Variants in IMMP2L observed in about 807,000 individuals in gnomAD.
IMMP2L encodes inner mitochondrial membrane peptidase subunit 2.
Under a neutral mutation model 19.3 loss-of-function variants are expected in IMMP2L, and 18 were observed. The observed-to-expected ratio is 0.93, with a 90% CI of 0.64 to 1.38. The LOEUF is 1.38. IMMP2L is among the 40% of genes most tolerant of loss of function. The pLI, the probability that IMMP2L is intolerant of heterozygous loss-of-function variation, is 0.00. For missense variants in IMMP2L, 233 were observed against 218.2 expected (o/e 1.07, Z -0.43); for synonymous variants, 76 against 73.0 (o/e 1.04, Z -0.21).
intron 5 of IMMP2L, among the ~76,000 whole-genome samples, chr7:110,726,527 C>A (rs1318590879): frequency 6.6e-6 from 1 of 152,118 alleles, no homozygotes; most frequent in African/African-American, 2.4e-5. Context: ...ACCAGTTACA[C>A]AATTCTAAAA....
chr7:111,549,035 G>C lies in IMMP2L; in HGVS notation c.-3+12816C>G, dbSNP rs139410274. Among the ~76,000 whole-genome samples, 407 of 152,208 alleles carry C rather than the reference G, an allele frequency of 2.7e-3. 6 individuals carry two copies. The highest frequency in any genetic ancestry group is 9.3e-3 in the African/African-American group (385 of 41,522). On this transcript the variant is annotated intron_variant, in intron 1 of 5. Transcript: ENST00000405709. ...GCACACAATGAGAATATCCCAAAGGGTATACCTTTCAGAAGAAGACAAGGC... is the reference window on the plus strand; with the variant it reads ...GCACACAATGAGAATATCCCAAAGGCTATACCTTTCAGAAGAAGACAAGGC...
chr7:111,552,245 T>G (rs1344592261), intron 1 of IMMP2L, among the ~76,000 whole-genome samples: 1 of 152,132 alleles, frequency 6.6e-6, no homozygotes, highest in Non-Finnish European at 1.5e-5. Flanking sequence ...TAATTCAACT[T>G]CCATTCAGTT....
chr7:110,795,386 T>A (rs904415325), intron 5 of IMMP2L, among the ~76,000 whole-genome samples: 2 of 152,100 alleles, frequency 1.3e-5, no homozygotes, highest in Non-Finnish European at 1.5e-5. Flanking sequence ...TATCATGGTT[T>A]AAATATAAAG....
chr7:111,418,984 G>A (rs1161131965), intron 3 of IMMP2L, among the ~76,000 whole-genome samples: 5 of 151,468 alleles, frequency 3.3e-5, no homozygotes, highest in African/African-American at 7.3e-5. Flanking sequence ...ATTGTGTTGC[G>A]AAGATATTCT....
intron 3 of IMMP2L, among the ~76,000 whole-genome samples, chr7:111,051,373 C>A (rs1028826016): frequency 9.2e-5 from 14 of 152,096 alleles, no homozygotes; most frequent in Non-Finnish European, 1.3e-4. Flanking sequence ...CTATCCTGAG[C>A]GAATGCATCT....
intron 3 of IMMP2L, among the ~76,000 whole-genome samples, chr7:111,086,577 A>G (rs890205971): frequency 1.3e-5 from 2 of 152,270 alleles, no homozygotes; most frequent in African/African-American, 4.8e-5. Context: ...CTTTAGTTCA[A>G]CATTCTAACA....
chr7:110,795,030 TG>T (rs1441640793), intron 5 of IMMP2L, among the ~76,000 whole-genome samples: 2 of 151,960 alleles, frequency 1.3e-5, no homozygotes, highest in Non-Finnish European at 2.9e-5. Context: ...GGGAAACAGA[TG>T]GGGAGATGCA....
rs561179044 is a variant in IMMP2L, at chr7:110,743,958, T to A, written c.409-80237A>T. 1.0e-3 allele frequency among the ~76,000 whole-genome samples: 157 copies of A among 152,134 alleles called. 1 individual carries two copies. The highest frequency in any genetic ancestry group is 3.5e-3 in the African/African-American group (147 of 41,524). On this transcript the variant is annotated intron_variant, in intron 5 of 5. Coordinates refer to ENST00000405709, the MANE Select transcript of IMMP2L (RefSeq NM_032549.4). ...GGGCTGAAGCCAGGGAGCCAAGTAG[T>A]CTGGTTCGTCGGAGCCCAGATGGAG...
At chr7:110,828,401 C>A (rs373890743) in intron 5 of IMMP2L, among the ~76,000 whole-genome samples, 2 of 152,112 alleles carry the variant, frequency 1.3e-5, no homozygotes, top group African/African-American at 2.4e-5. Context: ...CCCTTGCTAA[C>A]AACCAACTGT....
intron 4 of IMMP2L, among the ~76,000 whole-genome samples, chr7:110,949,706 G>A (rs948905051): frequency 6.6e-6 from 1 of 152,046 alleles, no homozygotes; most frequent in Admixed American, 6.6e-5. Context: ...TCTTTTTAAA[G>A]AGAAAGTATG....
chr7:110,754,571 A>C (rs562188492), intron 5 of IMMP2L, among the ~76,000 whole-genome samples: 1 of 152,198 alleles, frequency 6.6e-6, no homozygotes, highest in African/African-American at 2.4e-5. Context: ...TTTTGGGTCT[A>C]GGGATATTAA....
At chr7:110,730,694 T>A (rs1796214196) in intron 5 of IMMP2L, among the ~76,000 whole-genome samples, 1 of 152,030 alleles carries the variant, frequency 6.6e-6, no homozygotes, top group Non-Finnish European at 1.5e-5. Context: ...CCAGCTAATT[T>A]TTTTGTATTT....
At chr7:110,706,246 G>A (rs1205429297) in intron 5 of IMMP2L, among the ~76,000 whole-genome samples, 1 of 152,074 alleles carries the variant, frequency 6.6e-6, no homozygotes, top group Non-Finnish European at 1.5e-5. Context: ...GGGACTATGA[G>A]CATGTGCCAC....
chr7:111,237,849 C>A (rs1307575738), intron 3 of IMMP2L, among the ~76,000 whole-genome samples: 1 of 151,976 alleles, frequency 6.6e-6, no homozygotes, highest in Non-Finnish European at 1.5e-5. Context: ...ATAAATAACA[C>A]CTCTATAAAT....
At chr7:111,474,180 G>T (rs192355596) in intron 3 of IMMP2L, among the ~76,000 whole-genome samples, 72 of 152,054 alleles carry the variant, frequency 4.7e-4, no homozygotes, top group Admixed American at 4.7e-3. Flanking sequence ...TGAGTGGGGA[G>T]GGAAAAAGGG....
chr7:111,296,844 T>C (rs770515913), intron 3 of IMMP2L, among the ~76,000 whole-genome samples: 2 of 151,976 alleles, frequency 1.3e-5, no homozygotes, highest in African/African-American at 4.8e-5. Context: ...TACTCAGCAA[T>C]GAAATGCAAA....
At chr7:110,864,436 T>C (rs1318138079) in intron 5 of IMMP2L, among the ~76,000 whole-genome samples, 1 of 152,048 alleles carries the variant, frequency 6.6e-6, no homozygotes, top group African/African-American at 2.4e-5. Flanking sequence ...CTATTGCTGC[T>C]ACTATTAATA....
chr7:111,017,224 T>G (rs973968875), intron 3 of IMMP2L, among the ~76,000 whole-genome samples: 1 of 151,120 alleles, frequency 6.6e-6, no homozygotes, highest in African/African-American at 2.4e-5. Context: ...CATACCACCA[T>G]GCCTGGCTCG....
intron 3 of IMMP2L, among the ~76,000 whole-genome samples, chr7:111,470,730 G>T (rs1338776449): frequency 2.7e-4 from 35 of 131,140 alleles, no homozygotes; most frequent in East Asian, 2.7e-3. Flanking sequence ...GTTGTGGGGT[G>T]GGGGGGAGGG....
Sources: allele counts gnomAD v4.1 joint callset (sites outside exome capture counted in the v4.1 genomes callset), GRCh38; gene constraint gnomAD v4.1.1; transcripts MANE v1.5; gene names NCBI Gene and HGNC (gene_info 2026-07-23, HGNC 2026-07-21).